The following ANKRD34B variants were observed in gnomAD, a reference collection of about 807,000 sequenced individuals.
ANKRD34B encodes ankyrin repeat domain 34B.
ANKRD34B carries 2 observed loss-of-function variants against 4.4 expected under a neutral mutation model. The ratio of observed to expected loss-of-function variants is 0.46; its 90% CI spans 0.19 to 1.44. The LOEUF is 1.44. ANKRD34B is among the 40% of genes most tolerant of loss of function. The probability of loss-of-function intolerance (pLI) is 0.26; values close to 1 mark genes in which losing one functional copy is unlikely to be tolerated. For missense variants in ANKRD34B, 558 were observed against 604.7 expected (o/e 0.92, Z 0.81); for synonymous variants, 226 against 227.1 (o/e 0.99, Z 0.05).
At chr5:80,561,288 C>A (rs1001194058) in intron 4 of ANKRD34B, among the ~76,000 whole-genome samples, 1 of 152,006 alleles carries the variant, frequency 6.6e-6, no homozygotes, top group African/African-American at 2.4e-5. Flanking sequence ...GGGGGAGAAT[C>A]AGATGAATGT....
In ANKRD34B at chr5:80,558,819, G is replaced by C; in HGVS notation, c.1201C>G (p.Pro401Ala). ...IGKKKILSPSPSQLSESKELL... is the reference protein window; with the variant it reads ...IGKKKILSPSASQLSESKELL... ...TCTTTGGACTCTGACAATTGGGAAG[G>C]AGATGGTGAGAGGATCTTTTTCTTT... Residue 401 changes from proline (P) to alanine (A), a missense_variant, in exon 5 of 5, where the codon CCT (proline) becomes GCT (alanine). By Grantham distance (27) the Pro-to-Ala change is conservative. Coordinates refer to ENST00000338682, the MANE Select transcript of ANKRD34B (RefSeq NM_001004441.3). The C allele has an allele frequency of 6.2e-7, 1 of 1,614,118 alleles. No individual in the cohort carries two copies. Among genetic ancestry groups the C allele is most frequent in the Non-Finnish European group, 8.5e-7 (1 of 1,180,032 alleles).
At chr5:80,563,632 G>T (rs1561394461) in intron 4 of ANKRD34B, 103 bp downstream of exon 4, 1 of 152,136 alleles carries the variant, frequency 6.6e-6, no homozygotes. Flanking sequence ...GCAAAGCAAA[G>T]AACTACTCAA....
Position 80,559,596 on chromosome 5 carries a change from T to A in ANKRD34B, c.424A>T (p.Lys142Ter). ...ATGATGACCTCTTTCCCTTTTGCCTTGCAAGCACTAAGAAGAACTTTCAGG... is the reference window on the plus strand; with the variant it reads ...ATGATGACCTCTTTCCCTTTTGCCTAGCAAGCACTAAGAAGAACTTTCAGG... ...ETLKVLLSAC[K>*]AKGKEVIIIT... The change falls in exon 5 of 5, where the codon AAG becomes TAG. Residue 142 changes from lysine (K) to a stop codon, truncating the protein, a stop_gained. Coordinates refer to ENST00000338682, the MANE Select transcript of ANKRD34B (RefSeq NM_001004441.3). LOFTEE classifies it low-confidence loss of function (END_TRUNC). 6.2e-7 allele frequency: 1 copy of A among 1,614,208 alleles called. No homozygotes were observed. Among genetic ancestry groups the A allele is most frequent in the Non-Finnish European group, 8.5e-7 (1 of 1,180,046 alleles).
chr5:80,561,714 G>A (rs1293426273), intron 4 of ANKRD34B, among the ~76,000 whole-genome samples: 3 of 152,100 alleles, frequency 2.0e-5, no homozygotes, highest in Admixed American at 6.6e-5. Flanking sequence ...ATTTGAGTTG[G>A]GTCTTGAAGA....
intron 2 of ANKRD34B, among the ~76,000 whole-genome samples, chr5:80,567,663 T>TAAAAAAAAAAAAAAAA (rs1746617023): frequency 8.5e-6 from 1 of 118,168 alleles, no homozygotes; most frequent in Admixed American, 9.7e-5. Flanking sequence ...AAGGAAAAGT[T>TAAAAAAAAAAAAAAAA]ATTTTCTTTT....
chr5:80,567,784 CG>C (rs1253940954), intron 2 of ANKRD34B, among the ~76,000 whole-genome samples: 4 of 151,912 alleles, frequency 2.6e-5, no homozygotes, highest in Admixed American at 2.6e-4. Flanking sequence ...AAATTCAGCC[CG>C]TCGCCCTTGC....
intron 3 of ANKRD34B, among the ~76,000 whole-genome samples, chr5:80,565,509 C>T (rs2112717611): frequency 6.6e-6 from 1 of 152,326 alleles, no homozygotes; most frequent in Middle Eastern, 3.4e-3. Flanking sequence ...GGCTATGTGC[C>T]CTGATCAAGT....
At position 80,559,408 on chromosome 5, in the gene ANKRD34B, C is replaced by T. The variant is rs1013516053; in HGVS notation, c.612G>A (p.Thr204=). Residue 204 remains threonine, a synonymous_variant, in exon 5 of 5, where the codon ACG becomes ACA. Transcript: ENST00000338682. ...CTTTAAAGCCAAAAAGCGTCAGTTC[C>T]GTTTCAGAAGAATGTGAAAGTGGCG... ...ASSPLSHSSE[T]ELTLFGFKDL... 6 of 1,614,164 alleles carry T rather than the reference C, an allele frequency of 3.7e-6. No individual in the cohort carries two copies. Among genetic ancestry groups the T allele is most frequent in the South Asian group, 1.1e-5 (1 of 91,080 alleles).
intron 1 of ANKRD34B, among the ~76,000 whole-genome samples, chr5:80,569,380 C>T (rs1266796409): frequency 2.0e-5 from 3 of 152,310 alleles, no homozygotes; most frequent in South Asian, 4.1e-4. Context: ...CACCTCTGCA[C>T]CCGGCTCTCT....
Position 80,558,852 on chromosome 5 carries a change from G to C in ANKRD34B, c.1168C>G (p.Leu390Val), listed in dbSNP as rs779232525. The change falls in exon 5 of 5, where the codon CTT becomes GTT. Residue 390 changes from leucine (L) to valine (V), a missense_variant. Physicochemically the swap from Leu to Val is conservative, Grantham distance 32. Transcript: ENST00000338682. ...TPPTSEDGKA[L>V]IGKKKILSPS... ...GAGAGGATCTTTTTCTTTCCTATAA[G>C]TGCTTTGCCGTCTTCTGAAGTTGGA... 1 of 1,613,932 alleles carries C rather than the reference G, an allele frequency of 6.2e-7. No homozygotes were observed. Among genetic ancestry groups the C allele is most frequent in the Non-Finnish European group, 8.5e-7 (1 of 1,180,002 alleles).
chr5:80,567,193 G>A lies in ANKRD34B; in HGVS notation c.-190-419C>T, dbSNP rs370271167. On this transcript the variant is annotated intron_variant, in intron 2 of 4. Transcript: ENST00000338682. ...CGCACGGAGTAGGACTGTTTTGAGGGCCTGATTTGTGTGTTATCTCACATG... is the reference window on the plus strand; with the variant it reads ...CGCACGGAGTAGGACTGTTTTGAGGACCTGATTTGTGTGTTATCTCACATG... Among the ~76,000 whole-genome samples the A allele has an allele frequency of 2.2e-4, 33 of 152,260 alleles. No individual in the cohort carries two copies. The East Asian group carries it at 5.2e-3, about 24-fold the overall frequency.
At chr5:80,567,949 T>C (rs966769847) in intron 2 of ANKRD34B, among the ~76,000 whole-genome samples, 7 of 152,086 alleles carry the variant, frequency 4.6e-5, no homozygotes, top group Admixed American at 2.6e-4. Flanking sequence ...ACCCCTGAAA[T>C]GGGGATAATA....
At chr5:80,567,286 G>A (rs1259785397) in intron 2 of ANKRD34B, among the ~76,000 whole-genome samples, 2 of 152,034 alleles carry the variant, frequency 1.3e-5, no homozygotes, top group Non-Finnish European at 2.9e-5. Context: ...CTTTCCTGTG[G>A]CTTTTTGTCC....
In ANKRD34B at chr5:80,559,324, T is replaced by A; in HGVS notation, c.696A>T (p.Lys232Asn). ...TGGGCCCCTTAGGGGCCAATGCAGG[T>A]TTCCTCACAGGGGAACCTGGGTCCC... The part of the protein sequence containing the change: ...DTWDPGSPVR[K>N]PALAPKGPKL... The change falls in exon 5 of 5, where the codon AAA becomes AAT. Residue 232 changes from lysine to asparagine, a missense_variant. Physicochemically the swap from Lys to Asn is moderately conservative, Grantham distance 94. Transcript: ENST00000338682. 3.7e-6 allele frequency: 6 copies of A among 1,614,138 alleles called. No individual in the cohort carries two copies. Among genetic ancestry groups the A allele is most frequent in the Non-Finnish European group, 5.1e-6 (6 of 1,180,016 alleles).
rs369787894 is a variant in ANKRD34B at position 80,559,479 on chromosome 5, C to T, written c.541G>A (p.Ala181Thr). The change falls in exon 5 of 5, where the codon GCT becomes ACT. Residue 181 changes from alanine (A) to threonine (T), a missense_variant. Physicochemically the swap from Ala to Thr is moderately conservative, Grantham distance 58. Coordinates refer to ENST00000338682, the MANE Select transcript of ANKRD34B (RefSeq NM_001004441.3). ...ATTTCTGAAGGAGTGGTGCAGGTAG[C>T]TGGGGAATGACACCCATCTATATCC... ...PVDIDGCHSP[A>T]TCTTPSEIDI... 2 of 1,614,170 alleles carry T rather than the reference C, an allele frequency of 1.2e-6. No individual in the cohort carries two copies. Among genetic ancestry groups the T allele is most frequent in the South Asian group, 2.2e-5 (2 of 91,080 alleles).
At position 80,559,094 on chromosome 5, in the gene ANKRD34B, A is replaced by C. The variant is rs1561392046; in HGVS notation, c.926T>G (p.Phe309Cys). 6.2e-7 allele frequency: 1 copy of C among 1,614,206 alleles called. No individual in the cohort carries two copies. The highest frequency in any genetic ancestry group is 8.5e-7 in the Non-Finnish European group (1 of 1,180,036). The part of the protein sequence containing the change: ...VKDTAHLLRA[F>C]DQASSRKMSY... ...CATCTTCCTTGAGCTGGCCTGATCA[A>C]AGGCTCTTAGCAAATGTGCAGTGTC... Residue 309 changes from phenylalanine to cysteine, a missense_variant, in exon 5 of 5, where the codon TTT becomes TGT. Physicochemically the swap from Phe to Cys is radical, Grantham distance 205. Transcript: ENST00000338682.
chr5:80,561,822 G>A (rs1746413719), intron 4 of ANKRD34B, among the ~76,000 whole-genome samples: 1 of 152,102 alleles, frequency 6.6e-6, no homozygotes, highest in South Asian at 2.1e-4. Flanking sequence ...TTATTTATAA[G>A]GAAACAGACT....
At position 80,570,156 on chromosome 5, in the gene ANKRD34B, G is replaced by A. The variant is rs998648874; in HGVS notation, c.-341C>T. ...CAGGGACGGCGCCTCACACTGACCT[G>A]GGACGCGCTGTCGAGTTGGCGGCGG... On this transcript the variant is annotated splice_region_variant and 5_prime_UTR_variant, in exon 1 of 5. Transcript: ENST00000338682. 1 of 152,492 alleles carries A rather than the reference G, an allele frequency of 6.6e-6. No homozygotes were observed. The highest frequency in any genetic ancestry group is 2.4e-5 in the African/African-American group (1 of 41,474). 9.4% of individuals were successfully genotyped at this position (152,492 alleles called of 1,614,324 possible).
intron 4 of ANKRD34B, among the ~76,000 whole-genome samples, chr5:80,563,437 T>C (rs938171624): frequency 3.9e-5 from 6 of 152,230 alleles, no homozygotes; most frequent in African/African-American, 1.4e-4. Flanking sequence ...ATGTGAGATA[T>C]ACTTCATTAT....
Sources: gnomAD v4.1 joint callset for allele counts (sites outside exome capture counted in the v4.1 genomes callset) on GRCh38, gnomAD v4.1.1 for gene constraint, MANE v1.5 for transcripts, NCBI Gene and HGNC (gene_info 2026-07-23, HGNC 2026-07-21) for gene names.